The following LIG1 variants were observed in gnomAD, a reference collection of about 807,000 sequenced individuals.
LIG1 encodes ligase I, DNA, ATP-dependent.
A neutral mutation model predicts 115.7 loss-of-function variants in LIG1; 70 were observed. The observed-to-expected ratio is 0.60, with a 90% CI of 0.50 to 0.74. The LOEUF (loss-of-function observed/expected upper bound fraction) is 0.74, where lower values mean the gene tolerates loss of function less well. Among genes scored for constraint, LIG1 ranks in the 30% least tolerant of loss-of-function variants. The pLI is 0.00. For missense variants in LIG1, 1,115 were observed against 1,225.6 expected (o/e 0.91, Z 1.35); for synonymous variants, 487 against 495.3 (o/e 0.98, Z 0.22).
At position 48,150,186 on chromosome 19, in the gene LIG1, A is replaced by C; in HGVS notation, c.599T>G (p.Val200Gly). ...CTTCGTGGCCACCTCAGGCTCTGAA[A>C]CGCTTTCCGTCGGGGTCTCTGCTTC... The part of the protein sequence containing the change: ...TSKAETPTES[V>G]SEPEVATKQE... Residue 200 changes from valine to glycine, a missense_variant, in exon 8 of 28, where the codon GTT becomes GGT. Val to Gly is a moderately radical substitution (Grantham distance 109, BLOSUM62 -3). Transcript: ENST00000263274. The C allele has an allele frequency of 6.2e-7, 1 of 1,613,838 alleles. No individual in the cohort carries two copies. Among genetic ancestry groups the C allele is most frequent in the African/African-American group, 1.3e-5 (1 of 74,932 alleles).
chr19:48,144,460 T>C (rs1345937636), intron 9 of LIG1, among the ~76,000 whole-genome samples: 1 of 152,178 alleles, frequency 6.6e-6, no homozygotes, highest in Non-Finnish European at 1.5e-5. Flanking sequence ...CCAGGTGCCA[T>C]GCTAACACCA....
chr19:48,118,091 A>G (rs1228299447), intron 25 of LIG1, among the ~76,000 whole-genome samples: 1 of 152,182 alleles, frequency 6.6e-6, no homozygotes, highest in Non-Finnish European at 1.5e-5. Flanking sequence ...GAGGCAGGAC[A>G]TTAAAGACAA....
intron 2 of LIG1, 112 bp from the exon 3 acceptor site, chr19:48,162,463 T>C: frequency 1.3e-6 from 1 of 765,472 alleles, no homozygotes; most frequent in Non-Finnish European, 2.1e-6. Flanking sequence ...AGACAGAGTC[T>C]CGCTCTGTAG....
chr19:48,137,599 T>C lies in LIG1; in HGVS notation c.1177A>G (p.Met393Val), dbSNP rs764667785. Residue 393 changes from methionine to valine, a missense_variant, in exon 13 of 28, where the codon ATG becomes GTG. Met to Val is a conservative substitution (Grantham distance 21, BLOSUM62 1). Coordinates refer to ENST00000263274, the MANE Select transcript of LIG1 (RefSeq NM_000234.3). The surrounding 1 kb of genome is among the most constrained non-coding windows in gnomAD (Gnocchi z 4.3). Reference sequence around the variant, plus strand: ...GCAGTGAGCGGAGGTGGTGGCAGCATGAGCCTCTGGGTGCTGCGGCTGTTC... The same window carrying C: ...GCAGTGAGCGGAGGTGGTGGCAGCACGAGCCTCTGGGTGCTGCGGCTGTTC... Reference protein sequence around the residue: ...AENSRSTQRLMLPPPPLTASG... With the variant: ...AENSRSTQRLVLPPPPLTASG... 10 of 1,613,174 alleles carry C rather than the reference T, an allele frequency of 6.2e-6. No individual in the cohort carries two copies. The Admixed American group carries it at 1.5e-4, about 24-fold the overall frequency.
chr19:48,155,688 C>A (rs2035788957), intron 5 of LIG1, among the ~76,000 whole-genome samples: 1 of 152,160 alleles, frequency 6.6e-6, no homozygotes, highest in Non-Finnish European at 1.5e-5. Flanking sequence ...TTGCTCAATA[C>A]ATCTAAAACA....
chr19:48,140,518 G>C (rs905573813), intron 11 of LIG1, among the ~76,000 whole-genome samples: 8 of 152,280 alleles, frequency 5.3e-5, no homozygotes, highest in Admixed American at 3.9e-4. Flanking sequence ...TTCTGGAAAA[G>C]ACCCCTTTTT....
intron 9 of LIG1, among the ~76,000 whole-genome samples, chr19:48,148,474 CA>C (rs55722968): frequency 0.015 from 1,457 of 97,296 alleles, 16 homozygotes; most frequent in African/African-American, 0.031. Context: ...GATTCCATCT[CA>C]AAAAAAAAAA....
At position 48,162,320 on chromosome 19, in the gene LIG1, CT is replaced by C; in HGVS notation, c.48del (p.Ala17GlnfsTer23). 1 of 1,613,966 alleles carries C rather than the reference CT, an allele frequency of 6.2e-7. No individual in the cohort carries two copies. The highest frequency in any genetic ancestry group is 8.5e-7 in the Non-Finnish European group (1 of 1,179,984). On this transcript the variant is annotated frameshift_variant, in exon 3 of 28. Coordinates refer to ENST00000263274, the MANE Select transcript of LIG1 (RefSeq NM_000234.3). LOFTEE classifies it high-confidence loss of function. ...GATGCCTCCTTCTCAGGCTTCTTTG[CT>C]TTACCCTCTTTCTTGGGGTGGAAAA... is the stretch of plus-strand genomic sequence containing the variant. ...MSFFHPKKEG[K>X]AKKPEKEASN...
intron 5 of LIG1, chr19:48,154,513 A>C: frequency 5.0e-6 from 1 of 200,220 alleles, no homozygotes; most frequent in Non-Finnish European, 1.0e-5. Flanking sequence ...GCTGCCCAAC[A>C]CATAGCAGAC....
intron 1 of LIG1, among the ~76,000 whole-genome samples, chr19:48,165,931 G>A (rs1429532770): frequency 6.6e-6 from 1 of 152,176 alleles, no homozygotes; most frequent in Non-Finnish European, 1.5e-5. Flanking sequence ...TTAAAGGTTA[G>A]TGAAAAATTG....
intron 26 of LIG1, chr19:48,116,206 G>A (rs1316724391): frequency 2.1e-6 from 1 of 481,074 alleles, no homozygotes; most frequent in Non-Finnish European, 3.9e-6. Flanking sequence ...CACTTTGGGA[G>A]GCCGAGGCGG....
intron 1 of LIG1, 47 bp from the exon 2 acceptor site, chr19:48,165,670 G>A: frequency 5.3e-6 from 7 of 1,332,476 alleles, no homozygotes; most frequent in Non-Finnish European, 7.6e-6. Flanking sequence ...GTTGTGCAGA[G>A]ATCTAAACAC....
chr19:48,127,901 T>C lies in LIG1; in HGVS notation c.1932+9A>G. 1.2e-6 allele frequency: 2 copies of C among 1,610,138 alleles called. No homozygotes were observed. Among genetic ancestry groups the C allele is most frequent in the Non-Finnish European group, 1.7e-6 (2 of 1,176,662 alleles). ...GGGCCTTGGCAGGCAGTGGAGCGGG[T>C]GATGCTACCTTGCGTTTGCGGGTGG... On this transcript the variant is annotated intron_variant, in intron 20 of 27. Transcript: ENST00000263274.
chr19:48,135,652 G>GC, intron 16 of LIG1, 28 bp downstream of exon 16: 1 of 1,579,930 alleles, frequency 6.3e-7, no homozygotes, highest in African/African-American at 1.3e-5. Context: ...ACAGCCCCTG[G>GC]CAACTCCACC....
Position 48,137,581 on chromosome 19 carries a change from G to T in LIG1, c.1195C>A (p.Leu399Ile). 6.2e-7 allele frequency: 1 copy of T among 1,613,440 alleles called. No individual in the cohort carries two copies. Among genetic ancestry groups the T allele is most frequent in the Non-Finnish European group, 8.5e-7 (1 of 1,179,998 alleles). Reference sequence around the variant, plus strand: ...TTGCTGAAGACCCCGGAGGCAGTGAGCGGAGGTGGTGGCAGCATGAGCCTC... The same window carrying T: ...TTGCTGAAGACCCCGGAGGCAGTGATCGGAGGTGGTGGCAGCATGAGCCTC... Reference protein sequence around the residue: ...TQRLMLPPPPLTASGVFSKFR... With the variant: ...TQRLMLPPPPITASGVFSKFR... The change falls in exon 13 of 28, where the codon CTC becomes ATC. Residue 399 changes from leucine (L) to isoleucine (I), a missense_variant. Physicochemically the swap from Leu to Ile is conservative, Grantham distance 5 (BLOSUM62 2). Coordinates refer to ENST00000263274, the MANE Select transcript of LIG1 (RefSeq NM_000234.3). This position sits in a 1 kb window ranked among gnomAD's most constrained non-coding sequence, Gnocchi z 4.3.
intron 11 of LIG1, among the ~76,000 whole-genome samples, chr19:48,140,480 A>G (rs1283920739): frequency 1.3e-5 from 2 of 152,114 alleles, no homozygotes; most frequent in Non-Finnish European, 2.9e-5. Flanking sequence ...TCGTGGCTTG[A>G]CTCTGAAACG....
chr19:48,143,573 G>A lies in LIG1; in HGVS notation c.884C>T (p.Thr295Met), dbSNP rs1203168552. The change falls in exon 11 of 28, where the codon ACG (threonine) becomes ATG (methionine). Residue 295 changes from threonine (T) to methionine (M), a missense_variant. Physicochemically the swap from Thr to Met is moderately conservative, Grantham distance 81. Transcript: ENST00000263274. ...AGACACCTCCTCGATCTTCTCAAAC[G>A]TCCGGGCCACAGCCAGGTAAGGAAC... ...QKVPYLAVARTFEKIEEVSAR... is the reference protein window; with the variant it reads ...QKVPYLAVARMFEKIEEVSAR... The A allele has an allele frequency of 4.4e-6, 7 of 1,605,428 alleles. No individual in the cohort carries two copies. Among genetic ancestry groups the A allele is most frequent in the Middle Eastern group, 1.7e-4 (1 of 6,016 alleles).
rs989179028 is a variant in LIG1 at position 48,131,020 on chromosome 19, C to T, written c.1821+56G>A. 6.9e-6 allele frequency: 10 copies of T among 1,440,264 alleles called. No homozygotes were observed. The African/African-American group carries it at 1.4e-4, about 20-fold the overall frequency. The allele number at this position is 1,440,264 out of a possible 1,614,324, so 89.2% of individuals were successfully genotyped here. A position where few individuals can be genotyped will look rare whatever the true frequency, so the allele number is the denominator to read the frequency against. ...ACACTGGCCTAGATGGGCCTCAGGC[C>T]TTTGCACCCCTGACCACAGACCCTG... is the stretch of plus-strand genomic sequence containing the variant. On this transcript the variant is annotated intron_variant, in intron 19 of 27. Coordinates refer to ENST00000263274, the MANE Select transcript of LIG1 (RefSeq NM_000234.3).
rs772164976 is a variant in LIG1, at chr19:48,137,592, G to A, written c.1184C>T (p.Pro395Leu). Residue 395 changes from proline (P) to leucine (L), a missense_variant, in exon 13 of 28, where the codon CCA becomes CTA. By Grantham distance (98) the Pro-to-Leu change is moderately conservative (BLOSUM62 -3). Transcript: ENST00000263274. The surrounding 1 kb of genome is among the most constrained non-coding windows in gnomAD (Gnocchi z 4.3). Reference protein sequence around the residue: ...NSRSTQRLMLPPPPLTASGVF... With the variant: ...NSRSTQRLMLLPPPLTASGVF... ...CCCGGAGGCAGTGAGCGGAGGTGGT[G>A]GCAGCATGAGCCTCTGGGTGCTGCG... 9.2e-5 allele frequency: 149 copies of A among 1,613,152 alleles called. 1 individual carries two copies. The highest frequency in any genetic ancestry group is 1.2e-4 in the Non-Finnish European group (138 of 1,180,004).
Sources: gnomAD v4.1 joint callset for allele counts (sites outside exome capture counted in the v4.1 genomes callset) on GRCh38, gnomAD v4.1.1 for gene constraint, Gnocchi (gnomAD v3.1) non-coding constraint, MANE v1.5 for transcripts, NCBI Gene and HGNC (gene_info 2026-07-23, HGNC 2026-07-21) for gene names.